PREP: variants seen among roughly 807,000 people sequenced by gnomAD.
PREP encodes dJ355L5.1 (prolyl endopeptidase).
Under a neutral mutation model 87.6 loss-of-function variants are expected in PREP, and 29 were observed. The observed-to-expected ratio is 0.33, with a 90% CI of 0.25 to 0.45. The LOEUF is 0.45. PREP is among the 20% of genes least tolerant of loss of function. PREP has a pLI of 1.00. For synonymous variants in PREP, 337 were observed against 328.6 expected (o/e 1.03, Z -0.28); for missense variants, 695 against 886.5 (o/e 0.78, Z 2.74).
chr6:105,280,382 C>T (rs1301338423), intron 14 of PREP, among the ~76,000 whole-genome samples: 1 of 148,940 alleles, frequency 6.7e-6, no homozygotes, highest in Non-Finnish European at 1.5e-5. Flanking sequence ...CTTCTTGTGC[C>T]AGTCTGAGAG....
At chr6:105,381,828 A>G (rs1032048192) in intron 2 of PREP, among the ~76,000 whole-genome samples, 1 of 150,196 alleles carries the variant, frequency 6.7e-6, no homozygotes, top group Non-Finnish European at 1.5e-5. Flanking sequence ...ATAGTTAGCA[A>G]TACTATATTG....
rs546591337 is a variant in PREP, at chr6:105,362,290, G to A, written c.717+6613C>T. Among the ~76,000 whole-genome samples the A allele has an allele frequency of 1.9e-4, 29 of 152,216 alleles. 1 individual carries two copies. The South Asian group carries it at 3.1e-3, about 16-fold the overall frequency. ...AGCCTGGCCAACATGGTGAAACCCC[G>A]TCTCTACTAAAAATACAAAAATTAG... On this transcript the variant is annotated intron_variant, in intron 6 of 14. Transcript: ENST00000652536.
chr6:105,383,734 G>A (rs1414072700), intron 2 of PREP, among the ~76,000 whole-genome samples: 1 of 152,072 alleles, frequency 6.6e-6, no homozygotes, highest in Non-Finnish European at 1.5e-5. Context: ...AATTAGGGAG[G>A]AAGCAGAAAC....
At chr6:105,374,359 ACT>A (rs1772632722) in intron 4 of PREP, among the ~76,000 whole-genome samples, 1 of 151,904 alleles carries the variant, frequency 6.6e-6, no homozygotes, top group Non-Finnish European at 1.5e-5. Flanking sequence ...CCTATTGGAG[ACT>A]CTGACACCAG....
chr6:105,290,326 G>C (rs1770275260), intron 10 of PREP, among the ~76,000 whole-genome samples: 1 of 152,182 alleles, frequency 6.6e-6, no homozygotes, highest in Non-Finnish European at 1.5e-5. Flanking sequence ...CAACTCAAGA[G>C]TTAGAATTCA....
chr6:105,353,774 A>AC (rs1201376709), intron 6 of PREP, among the ~76,000 whole-genome samples: 2 of 150,172 alleles, frequency 1.3e-5, no homozygotes, highest in Non-Finnish European at 3.0e-5. Flanking sequence ...TCCATCTCAA[A>AC]AAAAAAAAAA....
intron 2 of PREP, among the ~76,000 whole-genome samples, chr6:105,395,528 C>T (rs756386386): frequency 2.0e-5 from 3 of 152,102 alleles, no homozygotes; most frequent in Non-Finnish European, 4.4e-5. Flanking sequence ...GGTAAAGTGC[C>T]TGGCACATGG....
intron 10 of PREP, among the ~76,000 whole-genome samples, chr6:105,318,123 G>A (rs78001983): frequency 0.071 from 10,769 of 152,074 alleles, 426 homozygotes; most frequent in South Asian, 0.13. Context: ...TAGTTGTCCC[G>A]CAATATCTAT....
At chr6:105,365,879 C>CTT (rs35617234) in intron 6 of PREP, among the ~76,000 whole-genome samples, 1 of 146,110 alleles carries the variant, frequency 6.8e-6, no homozygotes, top group Non-Finnish European at 1.5e-5. Flanking sequence ...GTTCCTTTAG[C>CTT]TTTTTTTTTT....
At chr6:105,374,643 TATATATATATATATATA>T (rs1347721563) in intron 4 of PREP, among the ~76,000 whole-genome samples, 2 of 182 alleles carry the variant, frequency 0.011, no homozygotes, top group Non-Finnish European at 0.031. Context: ...TATATATATA[TATATATATATATATATA>T]TATATATATA....
chr6:105,300,922 T>G (rs779512225), intron 10 of PREP, among the ~76,000 whole-genome samples: 1 of 152,254 alleles, frequency 6.6e-6, no homozygotes, highest in Non-Finnish European at 1.5e-5. Context: ...ATGACCTTAG[T>G]TGTGCAAAGA....
intron 10 of PREP, among the ~76,000 whole-genome samples, chr6:105,309,188 G>A (rs1418576574): frequency 6.6e-6 from 1 of 152,054 alleles, no homozygotes; most frequent in Non-Finnish European, 1.5e-5. Flanking sequence ...GCAGCCAAAT[G>A]TGATCACGAG....
chr6:105,305,875 CTG>C (rs1259938390), intron 10 of PREP, among the ~76,000 whole-genome samples: 4 of 150,632 alleles, frequency 2.7e-5, no homozygotes, highest in African/African-American at 9.8e-5. Context: ...GGTTCTGACT[CTG>C]TCACCCAGGC....
chr6:105,343,757 G>A lies in PREP; in HGVS notation c.823+9215C>T, dbSNP rs568206346. 2.3e-3 allele frequency among the ~76,000 whole-genome samples: 357 copies of A among 152,216 alleles called. 4 individuals are homozygous for A. Among genetic ancestry groups the A allele is most frequent in the African/African-American group, 8.0e-3 (334 of 41,526 alleles). On this transcript the variant is annotated intron_variant, in intron 7 of 14. Transcript: ENST00000652536. The stretch of plus-strand genomic sequence containing the variant: ...AAAGAAGACATTTATGCAGCCAAAA[G>A]ACGCATGAAAAAATGCTCATCATCA...
intron 2 of PREP, among the ~76,000 whole-genome samples, chr6:105,377,723 C>A (rs1772723941): frequency 1.3e-5 from 2 of 152,182 alleles, no homozygotes. Context: ...TAGTAACAAC[C>A]AATGCTTACA....
intron 5 of PREP, among the ~76,000 whole-genome samples, chr6:105,372,846 G>A (rs376842823): frequency 2.0e-5 from 3 of 152,206 alleles, no homozygotes; most frequent in African/African-American, 2.4e-5. Context: ...TCATTTTTCC[G>A]CAGTTCCCTG....
At chr6:105,337,665 A>G (rs938829281) in intron 7 of PREP, among the ~76,000 whole-genome samples, 2 of 152,212 alleles carry the variant, frequency 1.3e-5, no homozygotes, top group Non-Finnish European at 2.9e-5. Flanking sequence ...TCCAGCTCAC[A>G]TTCCAGCATT....
intron 5 of PREP, among the ~76,000 whole-genome samples, chr6:105,369,242 G>A (rs1219599338): frequency 1.3e-5 from 2 of 152,092 alleles, no homozygotes; most frequent in East Asian, 3.9e-4. Flanking sequence ...GAAATATTTA[G>A]GTATAAATCT....
At chr6:105,372,466 A>G (rs1772586142) in intron 5 of PREP, among the ~76,000 whole-genome samples, 1 of 152,232 alleles carries the variant, frequency 6.6e-6, no homozygotes, top group Non-Finnish European at 1.5e-5. Flanking sequence ...GGGTAGCAAA[A>G]GGAAGAAAAT....
Sources: gnomAD v4.1 joint callset for allele counts (sites outside exome capture counted in the v4.1 genomes callset) on GRCh38, gnomAD v4.1.1 for gene constraint, MANE v1.5 for transcripts, NCBI Gene and HGNC (gene_info 2026-07-23, HGNC 2026-07-21) for gene names.